EPOR: variants seen among roughly 807,000 people sequenced by gnomAD.
The protein encoded by EPOR is erythropoietin receptor.
A neutral mutation model predicts 34.3 loss-of-function variants in EPOR; 20 were observed. The ratio of observed to expected loss-of-function variants is 0.58; its 90% confidence interval spans 0.41 to 0.85. EPOR has a LOEUF of 0.85. EPOR is among the 40% of genes least tolerant of loss of function. The probability of loss-of-function intolerance (pLI) is 0.00; values close to 1 mark genes in which losing one functional copy is unlikely to be tolerated. For missense variants in EPOR, 601 were observed against 672.7 expected, an observed-to-expected ratio of 0.89 and a Z score of 1.18; for synonymous variants, 312 against 299.0, an observed-to-expected ratio of 1.04 and a Z score of -0.45.
chr19:11,381,618 G>C lies in EPOR; in HGVS notation c.585+74C>G, dbSNP rs1281747517. On this transcript the variant is annotated intron_variant, in intron 4 of 7. Transcript: ENST00000222139. The surrounding 1 kb of genome is among the most constrained non-coding windows in gnomAD (Gnocchi z 5.3). ...GGACCGGCCCTGAAAGCGGCACCGG[G>C]CGCGACCTCGAGAGGCGTGGCTGGG... 6.7e-7 allele frequency: 1 copy of C among 1,493,912 alleles called. No individual in the cohort carries two copies. Among genetic ancestry groups the C allele is most frequent in the Non-Finnish European group, 9.1e-7 (1 of 1,103,506 alleles). The allele number at this position is 1,493,912 out of a possible 1,614,324, so 92.5% of individuals were successfully genotyped here.
Position 11,383,177 on chromosome 19 carries a change from C to T in EPOR, c.171G>A (p.Leu57=). 6.2e-7 allele frequency: 1 copy of T among 1,612,702 alleles called. No homozygotes were observed. Among genetic ancestry groups the T allele is most frequent in the Non-Finnish European group, 8.5e-7 (1 of 1,179,890 alleles). ...PEELLCFTER[L]EDLVCFWEEA... The stretch of plus-strand genomic sequence containing the variant: ...CCTCCCAGAAACACACCAAGTCCTC[C>T]AACCGCTCGGTGAAGCACAGAAGCT... Residue 57 remains leucine (L), a synonymous_variant, in exon 2 of 8, where the codon TTG becomes TTA. Coordinates refer to ENST00000222139, the MANE Select transcript of EPOR (RefSeq NM_000121.4). This position sits in a 1 kb window ranked among gnomAD's most constrained non-coding sequence, Gnocchi z 4.9.
chr19:11,379,143 T>C (rs886501230), intron 6 of EPOR, among the ~76,000 whole-genome samples: 43 of 152,020 alleles, frequency 2.8e-4, no homozygotes, highest in African/African-American at 1.0e-3. Flanking sequence ...CTAGGAAACA[T>C]AGTGAGACCC....
chr19:11,382,924 C>T, intron 2 of EPOR, 173 bp downstream of exon 2: 1 of 1,537,646 alleles, frequency 6.5e-7, no homozygotes, highest in Non-Finnish European at 8.7e-7. Flanking sequence ...GTGTTCGCGC[C>T]CCGGCCCATA....
chr19:11,378,549 G>A lies in EPOR; in HGVS notation c.962C>T (p.Thr321Ile), dbSNP rs925720235. The A allele has an allele frequency of 1.2e-6, 2 of 1,614,198 alleles. No individual in the cohort carries two copies. Among genetic ancestry groups the A allele is most frequent in the East Asian group, 4.5e-5 (2 of 44,888 alleles). The stretch of plus-strand genomic sequence containing the variant: ...AGCAGGTGGGTCCTCCGTGAAGGGG[G>A]TGCAGGGGCTCCACCACAGGCAGCC... Reference protein sequence around the residue: ...NDGCLWWSPCTPFTEDPPASL... With the variant: ...NDGCLWWSPCIPFTEDPPASL... Residue 321 changes from threonine to isoleucine, a missense_variant, in exon 8 of 8, where the codon ACC becomes ATC. Coordinates refer to ENST00000222139, the MANE Select transcript of EPOR (RefSeq NM_000121.4). The surrounding 1 kb of genome is among the most constrained non-coding windows in gnomAD (Gnocchi z 5.3).
intron 6 of EPOR, among the ~76,000 whole-genome samples, chr19:11,380,277 A>ACTTGTGGTCAGGGT (rs1968338260): frequency 1.3e-5 from 2 of 152,280 alleles, no homozygotes; most frequent in East Asian, 3.9e-4. Context: ...AAGGTCAGGG[A>ACTTGTGGTCAGGGT]CTTGTGGTCA....
In EPOR at chr19:11,383,098, C is replaced by T. The variant is rs762067686; in HGVS notation, c.250G>A (p.Glu84Lys). ...PGNYSFSYQL[E>K]DEPWKLCRLH... Reference sequence around the variant, plus strand: ...AGGCACCCGCCGGATCGGACTCACTCGAGCTGGTAGGAGAAGCTGTAGTTG... The same window carrying T: ...AGGCACCCGCCGGATCGGACTCACTTGAGCTGGTAGGAGAAGCTGTAGTTG... The change falls in exon 2 of 8, where the codon GAG becomes AAG. Residue 84 changes from glutamate (E) to lysine (K), a missense_variant and splice_region_variant. Transcript: ENST00000222139. The surrounding 1 kb of genome is among the most constrained non-coding windows in gnomAD (Gnocchi z 4.9). 2.5e-6 allele frequency: 4 copies of T among 1,613,576 alleles called. No homozygotes were observed. The Admixed American group carries it at 5.0e-5, about 20-fold the overall frequency.
At position 11,381,852 on chromosome 19, in the gene EPOR, G is replaced by A. The variant is rs778130581; in HGVS notation, c.428-3C>T. On this transcript the variant is annotated splice_region_variant and splice_polypyrimidine_tract_variant and intron_variant, in intron 3 of 7. Coordinates refer to ENST00000222139, the MANE Select transcript of EPOR (RefSeq NM_000121.4). The surrounding 1 kb of genome is among the most constrained non-coding windows in gnomAD (Gnocchi z 5.3). The stretch of plus-strand genomic sequence containing the variant: ...CCCCACGGGGGCGTCTAGGAGCACT[G>A]CAGGCATGGGGGTTGGTCAGGTGGG... 1.9e-6 allele frequency: 3 copies of A among 1,614,036 alleles called. No individual in the cohort carries two copies. The highest frequency in any genetic ancestry group is 1.1e-5 in the South Asian group (1 of 91,092).
Position 11,378,501 on chromosome 19 carries a change from C to T in EPOR, c.1010G>A (p.Arg337His), listed in dbSNP as rs576644426. The stretch of plus-strand genomic sequence containing the variant: ...CACTGCCTGCATCGTCCCCCAGCAG[C>T]GCTCTGAGAGGACTTCCAGGGAAGC... ...PPASLEVLSE[R>H]CWGTMQAVEP... Residue 337 changes from arginine (R) to histidine (H), a missense_variant, in exon 8 of 8, where the codon CGC (arginine) becomes CAC (histidine). Coordinates refer to ENST00000222139, the MANE Select transcript of EPOR (RefSeq NM_000121.4). The surrounding 1 kb of genome is among the most constrained non-coding windows in gnomAD (Gnocchi z 5.3). 1.7e-5 allele frequency: 27 copies of T among 1,614,216 alleles called. No individual in the cohort carries two copies. The highest frequency in any genetic ancestry group is 1.6e-4 in the Middle Eastern group (1 of 6,062).
chr19:11,383,014 G>A lies in EPOR; in HGVS notation c.251+83C>T, dbSNP rs764385147. ...GCGCCGTCGGGCCTCAAACAGCAGG[G>A]GACATACGAGGCTACGACCTCCAGG... On this transcript the variant is annotated intron_variant, in intron 2 of 7. Coordinates refer to ENST00000222139, the MANE Select transcript of EPOR (RefSeq NM_000121.4). The surrounding 1 kb of genome is among the most constrained non-coding windows in gnomAD (Gnocchi z 4.9). 1 of 1,606,230 alleles carries A rather than the reference G, an allele frequency of 6.2e-7. No individual in the cohort carries two copies. Among genetic ancestry groups the A allele is most frequent in the Non-Finnish European group, 8.5e-7 (1 of 1,179,278 alleles).
rs1452376383 is a variant in EPOR at position 11,383,728 on chromosome 19, C to A, written c.115+365G>T. On this transcript the variant is annotated intron_variant, in intron 1 of 7. Coordinates refer to ENST00000222139, the MANE Select transcript of EPOR (RefSeq NM_000121.4). The surrounding 1 kb of genome is among the most constrained non-coding windows in gnomAD (Gnocchi z 4.9). ...GTGGCTTGGCCCCTCTAACTCGGAC[C>A]CGGGCTTTACCCTCCCTCCCCTAGG... 2.6e-5 allele frequency among the ~76,000 whole-genome samples: 4 copies of A among 152,090 alleles called. 1 individual carries two copies. The South Asian group carries it at 6.2e-4, about 24-fold the overall frequency.
intron 1 of EPOR, 62 bp downstream of exon 1, chr19:11,384,031 T>C: frequency 9.0e-7 from 1 of 1,114,202 alleles, no homozygotes; most frequent in Non-Finnish European, 1.3e-6. Context: ...AGGCTGGGAG[T>C]TCAGGCCCCA....
rs1277362908 is a variant in EPOR at position 11,381,204 on chromosome 19, C to T, written c.591G>A (p.Glu197=). The T allele has an allele frequency of 3.2e-6, 5 of 1,549,288 alleles. No homozygotes were observed. Among genetic ancestry groups the T allele is most frequent in the African/African-American group, 1.4e-5 (1 of 73,034 alleles). ...CACACTCGGTGCGGCCCTCCAGGATCTCCACCTGGGGGCGGAATCAGGGCG... is the reference window on the plus strand; with the variant it reads ...CACACTCGGTGCGGCCCTCCAGGATTTCCACCTGGGGGCGGAATCAGGGCG... ...GNGAGSVQRV[E]ILEGRTECVL... The change falls in exon 5 of 8, where the codon GAG becomes GAA. Residue 197 remains glutamate, a synonymous_variant. Coordinates refer to ENST00000222139, the MANE Select transcript of EPOR (RefSeq NM_000121.4). This position sits in a 1 kb window ranked among gnomAD's most constrained non-coding sequence, Gnocchi z 5.3.
rs1383325848 is a variant in EPOR at position 11,381,446 on chromosome 19, G to T, written c.586-237C>A. On this transcript the variant is annotated intron_variant, in intron 4 of 7. Transcript: ENST00000222139. This position sits in a 1 kb window ranked among gnomAD's most constrained non-coding sequence, Gnocchi z 5.3. ...ATATCTGGGCTAGCACTCGTAGAGG[G>T]ACCCGGGCGCTAAAGGGGTCTAGGG... is the stretch of plus-strand genomic sequence containing the variant. 1.2e-5 allele frequency: 8 copies of T among 665,626 alleles called. No homozygotes were observed. The highest frequency in any genetic ancestry group is 1.8e-5 in the Non-Finnish European group (7 of 394,180). 41.2% of individuals were successfully genotyped at this position (665,626 alleles called of 1,614,324 possible). A position where few individuals can be genotyped will look rare whatever the true frequency, so the allele number is the denominator to read the frequency against.
rs1968393436 is a variant in EPOR at position 11,383,461 on chromosome 19, T to G, written c.116-229A>C. The G allele has an allele frequency of 2.1e-6, 1 of 479,448 alleles. No individual in the cohort carries two copies. The highest frequency in any genetic ancestry group is 3.7e-6 in the Non-Finnish European group (1 of 271,018). The allele number at this position is 479,448 out of a possible 1,614,324, so 29.7% of individuals were successfully genotyped here. A position where few individuals can be genotyped will look rare whatever the true frequency, so the allele number is the denominator to read the frequency against. On this transcript the variant is annotated intron_variant, in intron 1 of 7. Coordinates refer to ENST00000222139, the MANE Select transcript of EPOR (RefSeq NM_000121.4). The surrounding 1 kb of genome is among the most constrained non-coding windows in gnomAD (Gnocchi z 4.9). ...CCCGCCGTCACCACTGGCGCACACC[T>G]GCCCACCCAGCGGCCAGCTGAGCTG...
intron 2 of EPOR, chr19:11,382,746 G>C: frequency 9.0e-7 from 1 of 1,114,214 alleles, no homozygotes; most frequent in Non-Finnish European, 1.2e-6. Context: ...CTTCCGCCTC[G>C]ACCTTCCAAA....
At chr19:11,382,746 G>A (rs2144699504) in intron 2 of EPOR, 1 of 1,114,214 alleles carries the variant, frequency 9.0e-7, no homozygotes, top group South Asian at 1.6e-5. Context: ...CTTCCGCCTC[G>A]ACCTTCCAAA....
rs764385147 is a variant in EPOR, at chr19:11,383,014, G to T, written c.251+83C>A. On this transcript the variant is annotated intron_variant, in intron 2 of 7. Coordinates refer to ENST00000222139, the MANE Select transcript of EPOR (RefSeq NM_000121.4). This position sits in a 1 kb window ranked among gnomAD's most constrained non-coding sequence, Gnocchi z 4.9. ...GCGCCGTCGGGCCTCAAACAGCAGG[G>T]GACATACGAGGCTACGACCTCCAGG... is the stretch of plus-strand genomic sequence containing the variant. 2 of 1,606,228 alleles carry T rather than the reference G, an allele frequency of 1.2e-6. No homozygotes were observed. The highest frequency in any genetic ancestry group is 3.3e-5 in the Admixed American group (2 of 59,932).
At position 11,378,326 on chromosome 19, in the gene EPOR, C is replaced by T. The variant is rs1968310726; in HGVS notation, c.1185G>A (p.Val395=). ...LPGPGGSVDI[V]AMDEGSEASS... is the part of the protein sequence containing the mutation. ...ATGCTTCTGAGCCTTCATCCATGGC[C>T]ACTATGTCCACACTGCCACCAGGCC... Residue 395 remains valine (V), a synonymous_variant, in exon 8 of 8, where the codon GTG becomes GTA. Coordinates refer to ENST00000222139, the MANE Select transcript of EPOR (RefSeq NM_000121.4). This position sits in a 1 kb window ranked among gnomAD's most constrained non-coding sequence, Gnocchi z 5.3. The T allele has an allele frequency of 6.2e-7, 1 of 1,613,494 alleles. No homozygotes were observed. The highest frequency in any genetic ancestry group is 8.5e-7 in the Non-Finnish European group (1 of 1,180,022).
rs1309496382 is a variant in EPOR at position 11,381,903 on chromosome 19, C to G, written c.427+27G>C. 6.2e-7 allele frequency: 1 copy of G among 1,614,116 alleles called. No individual in the cohort carries two copies. The highest frequency in any genetic ancestry group is 1.3e-5 in the African/African-American group (1 of 74,942). On this transcript the variant is annotated intron_variant, in intron 3 of 7. Transcript: ENST00000222139. This position sits in a 1 kb window ranked among gnomAD's most constrained non-coding sequence, Gnocchi z 5.3. ...CGAGGACTGAGACCCTCTCCTCCGA[C>G]CACTCCTCCATTCCCAGAGCACTTA... is the stretch of plus-strand genomic sequence containing the variant.
Sources: gnomAD v4.1 joint callset for allele counts (sites outside exome capture counted in the v4.1 genomes callset) on GRCh38, gnomAD v4.1.1 for gene constraint, Gnocchi (gnomAD v3.1) non-coding constraint, MANE v1.5 for transcripts, NCBI Gene and HGNC (gene_info 2026-07-23, HGNC 2026-07-21) for gene names.